The following KHDRBS2 variants were observed in gnomAD, a reference collection of about 807,000 sequenced individuals.
KHDRBS2 encodes KH domain-containing, RNA-binding, signal transduction-associated protein 2.
KHDRBS2 carries 26 observed loss-of-function variants against 44.3 expected under a neutral mutation model. That is an observed-to-expected ratio of 0.59 (90% CI 0.43 to 0.81). The LOEUF (loss-of-function observed/expected upper bound fraction) is 0.81. KHDRBS2 is among the 40% of genes least tolerant of loss of function. The pLI is 0.00. For missense variants in KHDRBS2, 476 were observed against 433.1 expected (o/e 1.10, Z -0.88); for synonymous variants, 194 against 151.1 (o/e 1.28, Z -2.08).
intron 6 of KHDRBS2, among the ~76,000 whole-genome samples, chr6:61,740,124 T>C (rs1238291385): frequency 1.3e-5 from 2 of 151,906 alleles, no homozygotes; most frequent in Admixed American, 6.6e-5. Context: ...GGAAGCACAC[T>C]GGAGGAATGG....
At chr6:61,728,386 T>A (rs1322610896) in intron 7 of KHDRBS2, among the ~76,000 whole-genome samples, 1 of 152,034 alleles carries the variant, frequency 6.6e-6, no homozygotes, top group Non-Finnish European at 1.5e-5. Flanking sequence ...CAAACCAGCA[T>A]GGCACTTGTT....
intron 4 of KHDRBS2, among the ~76,000 whole-genome samples, chr6:61,945,100 A>ATAT (rs1166856860): frequency 0.023 from 1,211 of 52,432 alleles, 73 homozygotes; most frequent in East Asian, 0.072. Context: ...TAAAAAAAAA[A>ATAT]AAAAAAAAAA....
At chr6:61,844,010 G>A (rs1794001594) in intron 6 of KHDRBS2, among the ~76,000 whole-genome samples, 1 of 151,994 alleles carries the variant, frequency 6.6e-6, no homozygotes, top group Non-Finnish European at 1.5e-5. Flanking sequence ...TATTCACATA[G>A]GTTTAAAATC....
chr6:62,064,709 T>A (rs9342645), intron 2 of KHDRBS2, among the ~76,000 whole-genome samples: 93,861 of 151,618 alleles, frequency 0.62, 29,262 homozygotes, highest in African/African-American at 0.63. Flanking sequence ...ACCATTCAGG[T>A]CACAGGCATG....
the KHDRBS2 span, among the ~76,000 whole-genome samples, chr6:61,636,779 A>G: frequency 6.6e-6 from 1 of 152,078 alleles, no homozygotes; most frequent in Non-Finnish European, 1.5e-5. Context: ...AAACCTGCCT[A>G]TAATTTTACT....
chr6:62,072,390 G>A (rs1392176664), intron 2 of KHDRBS2, among the ~76,000 whole-genome samples: 1 of 152,182 alleles, frequency 6.6e-6, no homozygotes. Context: ...TTGAATAGGA[G>A]TGGTGAGAGG....
intron 1 of KHDRBS2, among the ~76,000 whole-genome samples, chr6:62,183,552 A>T (rs1264005000): frequency 6.6e-6 from 1 of 151,660 alleles, no homozygotes; most frequent in African/African-American, 2.4e-5. Flanking sequence ...CAAATTTACA[A>T]TATGTGCAAA....
At chr6:62,011,827 G>T (rs1023289906) in intron 3 of KHDRBS2, among the ~76,000 whole-genome samples, 1 of 151,992 alleles carries the variant, frequency 6.6e-6, no homozygotes, top group Non-Finnish European at 1.5e-5. Flanking sequence ...TTTCATTCAC[G>T]TTCACTTTAT....
intron 7 of KHDRBS2, among the ~76,000 whole-genome samples, 180 bp downstream of exon 7, chr6:61,732,502 G>T (rs1774643525): frequency 6.6e-6 from 1 of 152,094 alleles, no homozygotes; most frequent in South Asian, 2.1e-4. Flanking sequence ...TTTGCTTGCA[G>T]TTGCAAGGTT....
intron 3 of KHDRBS2, among the ~76,000 whole-genome samples, chr6:62,045,130 A>G (rs186625553): frequency 1.8e-4 from 28 of 152,188 alleles, no homozygotes; most frequent in Admixed American, 1.6e-3. Flanking sequence ...GTCTGGAACA[A>G]GAGGATCCAG....
chr6:62,130,733 T>C (rs2150089689), intron 2 of KHDRBS2, among the ~76,000 whole-genome samples: 1 of 152,202 alleles, frequency 6.6e-6, no homozygotes, highest in South Asian at 2.1e-4. Context: ...TAGCTTAGTC[T>C]AACCTATATT....
At chr6:61,842,252 T>A (rs1686571124) in intron 6 of KHDRBS2, among the ~76,000 whole-genome samples, 1 of 152,140 alleles carries the variant, frequency 6.6e-6, no homozygotes, top group Non-Finnish European at 1.5e-5. Context: ...AGCTATTACT[T>A]ATGCAGTATT....
intron 6 of KHDRBS2, among the ~76,000 whole-genome samples, chr6:61,861,355 T>C (rs1377615891): frequency 1.3e-5 from 2 of 152,098 alleles, no homozygotes; most frequent in African/African-American, 4.8e-5. Flanking sequence ...GGGTTTTACA[T>C]TGAAGTCCTT....
chr6:61,640,685 C>T, the KHDRBS2 span, among the ~76,000 whole-genome samples: 1 of 152,136 alleles, frequency 6.6e-6, no homozygotes, highest in Non-Finnish European at 1.5e-5. Flanking sequence ...TGACCAACAG[C>T]CCTGTAAAAG....
the KHDRBS2 span, among the ~76,000 whole-genome samples, chr6:61,587,412 T>G: frequency 6.6e-6 from 1 of 152,008 alleles, no homozygotes; most frequent in Non-Finnish European, 1.5e-5. Context: ...CAGAACCTAC[T>G]GTGAGAGCAC....
chr6:62,170,905 G>A (rs1480546057), intron 2 of KHDRBS2, among the ~76,000 whole-genome samples: 12 of 146,310 alleles, frequency 8.2e-5, no homozygotes, highest in African/African-American at 2.5e-4. Flanking sequence ...GACTGAACCC[G>A]CCTTATACCA....
chr6:62,192,867 G>C (rs1468579009), intron 1 of KHDRBS2, among the ~76,000 whole-genome samples: 1 of 152,116 alleles, frequency 6.6e-6, no homozygotes, highest in African/African-American at 2.4e-5. Flanking sequence ...ACCATTCATT[G>C]CAAGTGTCAC....
intron 6 of KHDRBS2, chr6:61,817,059 T>C: frequency 2.4e-6 from 1 of 412,450 alleles, no homozygotes; most frequent in Non-Finnish European, 4.9e-6. Flanking sequence ...GTGGATAATA[T>C]TCAGGTTTTC....
In KHDRBS2 at chr6:61,815,217, A is replaced by G. The variant is rs187619556; in HGVS notation, c.810+79418T>C. On this transcript the variant is annotated intron_variant, in intron 6 of 8. Coordinates refer to ENST00000281156, the MANE Select transcript of KHDRBS2 (RefSeq NM_152688.4). ...ACAGTAGCAAGCATGTGGCATATAC[A>G]GCATGTATATGCTAGACGAAGGGAT... is the stretch of plus-strand genomic sequence containing the variant. Among the ~76,000 whole-genome samples the G allele has an allele frequency of 1.2e-3, 188 of 152,222 alleles. 1 individual carries two copies. The highest frequency in any genetic ancestry group is 4.3e-3 in the African/African-American group (179 of 41,544).
Sources: allele counts gnomAD v4.1 joint callset (sites outside exome capture counted in the v4.1 genomes callset), GRCh38; gene constraint gnomAD v4.1.1; transcripts MANE v1.5; gene names NCBI Gene and HGNC (gene_info 2026-07-23, HGNC 2026-07-21).